Variants in MCF2 observed in about 807,000 individuals in gnomAD.
The protein encoded by MCF2 is proto-oncogene DBL.
In MCF2, 44 loss-of-function variants were observed where a neutral mutation model predicts 82.5. The ratio of observed to expected loss-of-function variants is 0.53; its 90% confidence interval spans 0.42 to 0.69. The LOEUF (loss-of-function observed/expected upper bound fraction) is 0.69. MCF2 is among the 30% of genes least tolerant of loss of function. MCF2 has a pLI of 0.00. For missense variants in MCF2, 623 were observed against 663.1 expected (o/e 0.94, Z 0.66); for synonymous variants, 217 against 224.9 (o/e 0.96, Z 0.32).
intron 1 of MCF2, among the ~76,000 whole-genome samples, chrX:139,632,891 T>C (rs1260099031): frequency 1.8e-5 from 2 of 112,062 alleles, no homozygotes; most frequent in African/African-American, 6.5e-5. Flanking sequence ...ATTATATTTT[T>C]ATTTTAATCC....
At chrX:139,689,325 C>T (rs1935202144) in intron 1 of MCF2, among the ~76,000 whole-genome samples, 1 of 112,127 alleles carries the variant, frequency 8.9e-6, no homozygotes, top group Non-Finnish European at 1.9e-5. Context: ...CTGTTGACCA[C>T]TGTGTATACT....
chrX:139,687,077 C>CACAT (rs1556120566), intron 1 of MCF2, among the ~76,000 whole-genome samples: 2 of 110,290 alleles, frequency 1.8e-5, no homozygotes, highest in Non-Finnish European at 3.8e-5. Flanking sequence ...CACACACACA[C>CACAT]ATATGCAAAC....
chrX:139,584,107 G>C (rs1174388756), intron 24 of MCF2, among the ~76,000 whole-genome samples: 1 of 101,664 alleles, frequency 9.8e-6, no homozygotes, highest in East Asian at 3.1e-4. Flanking sequence ...GTACAGCTTT[G>C]TGATTATCCA....
upstream of MCF2, among the ~76,000 whole-genome samples, chrX:139,643,817 C>T (rs1247365017): frequency 9.0e-6 from 1 of 111,288 alleles, no homozygotes; most frequent in African/African-American, 3.3e-5. Flanking sequence ...TGTTACAAGC[C>T]ACCTATTTTG....
chrX:139,703,716 C>T (rs1935541232), intron 1 of MCF2, among the ~76,000 whole-genome samples: 1 of 111,250 alleles, frequency 9.0e-6, no homozygotes, highest in South Asian at 3.8e-4. Flanking sequence ...GCCTGAGTGA[C>T]AGAGCGAGAC....
intron 1 of MCF2, among the ~76,000 whole-genome samples, chrX:139,693,428 A>G (rs187927040): frequency 2.6e-3 from 290 of 109,824 alleles, no homozygotes; most frequent in African/African-American, 9.4e-3. Flanking sequence ...TCGCCAATTT[A>G]TACCTGAGGA....
At chrX:139,617,111 G>A in intron 8 of MCF2, among the ~76,000 whole-genome samples, 1 of 111,204 alleles carries the variant, frequency 9.0e-6, no homozygotes, top group East Asian at 2.8e-4. Flanking sequence ...TCTGTACTAT[G>A]AAATGTGAAA....
At chrX:139,678,188 G>A (rs894778177) in intron 1 of MCF2, among the ~76,000 whole-genome samples, 1 of 111,587 alleles carries the variant, frequency 9.0e-6, no homozygotes, top group Non-Finnish European at 1.9e-5. Context: ...TTAATGCATC[G>A]CTGAGCTGGC....
intron 1 of MCF2, among the ~76,000 whole-genome samples, chrX:139,698,909 T>C (rs1223065025): frequency 8.9e-6 from 1 of 111,778 alleles, no homozygotes; most frequent in Non-Finnish European, 1.9e-5. Context: ...ATTTGCATAA[T>C]GTTTGTAAGC....
upstream of MCF2, among the ~76,000 whole-genome samples, chrX:139,643,684 G>A (rs1194697598): frequency 9.0e-6 from 1 of 110,677 alleles, no homozygotes; most frequent in Non-Finnish European, 1.9e-5. Context: ...TGAGAAAGCA[G>A]CCCTGGGAAT....
chrX:139,633,553 C>T (rs1301387676), intron 1 of MCF2, among the ~76,000 whole-genome samples: 1 of 110,890 alleles, frequency 9.0e-6, no homozygotes, highest in Non-Finnish European at 1.9e-5. Flanking sequence ...ACTCCACCTC[C>T]TGAAAAGGCC....
intron 19 of MCF2, among the ~76,000 whole-genome samples, chrX:139,590,291 T>G (rs1929387132): frequency 9.0e-6 from 1 of 111,019 alleles, no homozygotes; most frequent in Non-Finnish European, 1.9e-5. Context: ...GAAAAGCCAC[T>G]GAAAATTAAT....
In MCF2 at chrX:139,663,110, C is replaced by A. The variant is rs58129815; in HGVS notation, c.-44-11322G>T. ...TAATGCTGCAATAAACATGTGAGTG[C>A]AAGTATCCCTTATTCATATACTGAT... On this transcript the variant is annotated intron_variant, in intron 1 of 27. Transcript: ENST00000414978. 6.3e-3 allele frequency among the ~76,000 whole-genome samples: 712 copies of A among 112,127 alleles called. 6 individuals carry two copies. Among genetic ancestry groups the A allele is most frequent in the African/African-American group, 0.022 (677 of 30,921 alleles).
chrX:139,663,983 C>CT (rs1167788221), intron 1 of MCF2, among the ~76,000 whole-genome samples: 6 of 109,048 alleles, frequency 5.5e-5, no homozygotes, highest in East Asian at 5.7e-4. Context: ...TTTGGGGTGG[C>CT]TTTTTTTTGT....
chrX:139,658,246 T>C (rs898704397), intron 1 of MCF2, among the ~76,000 whole-genome samples: 1 of 111,615 alleles, frequency 9.0e-6, no homozygotes, highest in Non-Finnish European at 1.9e-5. Flanking sequence ...AAAGTTCATC[T>C]TCAATGTCCA....
rs1001134647 is a variant in MCF2, at chrX:139,602,397, T to C, written c.1836+9A>G. ...AAGAATATATCCAATACTTGAATAA[T>C]TACTGTACCTGGAAAAATGCGCATT... is the stretch of plus-strand genomic sequence containing the variant. On this transcript the variant is annotated intron_variant, in intron 16 of 24. Transcript: ENST00000370576. 2 of 1,135,897 alleles carry C rather than the reference T, an allele frequency of 1.8e-6. No homozygotes were observed. The highest frequency in any genetic ancestry group is 1.9e-5 in the South Asian group (1 of 53,846). The allele number at this position is 1,135,897 out of a possible 1,213,427, so 93.6% of individuals were successfully genotyped here.
intron 1 of MCF2, among the ~76,000 whole-genome samples, chrX:139,707,570 C>G (rs183104502): frequency 9.0e-6 from 1 of 111,378 alleles, no homozygotes; most frequent in African/African-American, 3.3e-5. Context: ...GGTCTTTTAC[C>G]CACTGAAAAT....
chrX:139,706,807 A>G (rs755028458), intron 1 of MCF2, among the ~76,000 whole-genome samples: 2 of 110,599 alleles, frequency 1.8e-5, no homozygotes, highest in African/African-American at 6.6e-5. Context: ...ATCAGGGGGG[A>G]AAAGGTTTTT....
exon 1 of MCF2, chrX:139,642,859 GA>G (rs1365229616): frequency 1.0e-5 from 9 of 887,405 alleles, no homozygotes; most frequent in African/African-American, 2.1e-5. Context: ...GAAGGAGGAG[GA>G]AAAAAAAACC....
Sources: gnomAD v4.1 joint callset for allele counts (sites outside exome capture counted in the v4.1 genomes callset) on GRCh38, gnomAD v4.1.1 for gene constraint, MANE v1.5 for transcripts, NCBI Gene and HGNC (gene_info 2026-07-23, HGNC 2026-07-21) for gene names.